Variants in TNNI3K observed in about 807,000 individuals in gnomAD.
TNNI3K encodes serine/threonine-protein kinase TNNI3K.
Under a neutral mutation model 114.5 loss-of-function variants are expected in TNNI3K, and 140 were observed. That is an observed-to-expected ratio of 1.22 (90% CI 1.07 to 1.41). The LOEUF is 1.41. Ranked by LOEUF, TNNI3K falls within the 40% of genes most tolerant of loss-of-function variation. The pLI, the probability that TNNI3K is intolerant of heterozygous loss-of-function variation, is 0.00. For synonymous variants in TNNI3K, 347 were observed against 347.5 expected (o/e 1.00, Z 0.02); for missense variants, 1,125 against 1,007.6 (o/e 1.12, Z -1.58).
At chr1:74,248,447 G>A (rs1452493911) in intron 2 of TNNI3K, among the ~76,000 whole-genome samples, 3 of 152,172 alleles carry the variant, frequency 2.0e-5, no homozygotes, top group Non-Finnish European at 2.9e-5. Flanking sequence ...AGGGCTGCTA[G>A]CACGTTGTCA....
At chr1:74,277,350 A>G (rs473834) in intron 5 of TNNI3K, among the ~76,000 whole-genome samples, 21,053 of 151,906 alleles carry the variant, frequency 0.14, 1,538 homozygotes, top group South Asian at 0.25. Context: ...AAGAGCGATT[A>G]CTCCCCAGAG....
chr1:74,471,664 A>C (rs952815591), intron 21 of TNNI3K: 4 of 400,732 alleles, frequency 1.0e-5, no homozygotes, highest in African/African-American at 8.2e-5. Flanking sequence ...TTTGGGTGAC[A>C]TCATCGACCT....
chr1:74,251,734 C>T (rs1654940444), intron 4 of TNNI3K, among the ~76,000 whole-genome samples: 1 of 152,270 alleles, frequency 6.6e-6, no homozygotes, highest in African/African-American at 2.4e-5. Context: ...ATCTCCCTCC[C>T]CCAACTGCTA....
intron 17 of TNNI3K, among the ~76,000 whole-genome samples, chr1:74,411,126 T>C (rs1664858949): frequency 6.6e-6 from 1 of 152,086 alleles, no homozygotes; most frequent in South Asian, 2.1e-4. Context: ...GCATCACTGG[T>C]TTTATCAGCT....
At chr1:74,287,670 G>A (rs1657415657) in intron 5 of TNNI3K, among the ~76,000 whole-genome samples, 1 of 152,034 alleles carries the variant, frequency 6.6e-6, no homozygotes, top group East Asian at 1.9e-4. Context: ...AAATTGGTTT[G>A]GGCAATGATT....
chr1:74,243,006 G>A (rs1186318474), intron 2 of TNNI3K, among the ~76,000 whole-genome samples: 2 of 151,784 alleles, frequency 1.3e-5, no homozygotes, highest in Non-Finnish European at 2.9e-5. Context: ...CTGTTTTGAA[G>A]AGCAAAACAA....
intron 23 of TNNI3K, among the ~76,000 whole-genome samples, chr1:74,518,512 C>T (rs2100403745): frequency 6.6e-6 from 1 of 152,142 alleles, no homozygotes. Context: ...CTCAATATGC[C>T]TTCTTTTTAG....
chr1:74,322,828 C>T (rs879272561), intron 5 of TNNI3K, among the ~76,000 whole-genome samples: 5 of 152,078 alleles, frequency 3.3e-5, no homozygotes, highest in African/African-American at 1.2e-4. Context: ...TCATTTTATT[C>T]TTATCTCTTA....
chr1:74,541,465 A>G (rs915560690), intron 24 of TNNI3K: 3 of 152,154 alleles, frequency 2.0e-5, no homozygotes, highest in Non-Finnish European at 4.4e-5. Flanking sequence ...TTTGAGGGGG[A>G]AAATGCACTC....
chr1:74,438,013 A>G (rs918356319), intron 19 of TNNI3K, among the ~76,000 whole-genome samples: 1 of 151,758 alleles, frequency 6.6e-6, no homozygotes, highest in African/African-American at 2.4e-5. Flanking sequence ...CTAGCCGCAT[A>G]GTCTTTAAGC....
At chr1:74,317,270 C>T (rs377625167) in intron 5 of TNNI3K, among the ~76,000 whole-genome samples, 1 of 152,172 alleles carries the variant, frequency 6.6e-6, no homozygotes, top group African/African-American at 2.4e-5. Flanking sequence ...ACCTGAGAAT[C>T]TGAGTAGGTG....
intron 21 of TNNI3K, among the ~76,000 whole-genome samples, chr1:74,465,647 A>G (rs274602): frequency 0.69 from 105,404 of 152,122 alleles, 37,939 homozygotes; most frequent in African/African-American, 0.89. Flanking sequence ...GTGCAGGCGC[A>G]TGATGCAGGA....
Position 74,457,234 on chromosome 1 carries a change from G to C in TNNI3K, c.2012-6207G>C, listed in dbSNP as rs78667361. Among the ~76,000 whole-genome samples the C allele has an allele frequency of 2.0e-5, 3 of 152,260 alleles. No homozygotes were observed. The East Asian group carries it at 5.8e-4, about 29-fold the overall frequency. ...CTGGAAAGATTAAATCAGTCCAATA[G>C]ATGGAGATATTTCTATGAATATAGC... On this transcript the variant is annotated intron_variant, in intron 20 of 24. Coordinates refer to ENST00000326637, the MANE Select transcript of TNNI3K (RefSeq NM_015978.3).
intron 20 of TNNI3K, 135 bp from the exon 21 acceptor site, chr1:74,463,306 G>T (rs1230420082): frequency 1.2e-6 from 1 of 852,676 alleles, no homozygotes; most frequent in Admixed American, 2.2e-5. Context: ...GGGGAAAAAA[G>T]CCTAGAGGTC....
At chr1:74,445,204 CTTTTTTTTTTTTCTTTCT>C (rs1666581858) in intron 20 of TNNI3K, among the ~76,000 whole-genome samples, 1 of 117,950 alleles carries the variant, frequency 8.5e-6, no homozygotes, top group African/African-American at 2.8e-5. Flanking sequence ...TAAAGAACTT[CTTTTTTTTTTTTCTTTCT>C]TTTTTTTTTT....
chr1:74,440,854 T>C lies in TNNI3K; in HGVS notation c.2011+1232T>C, dbSNP rs17095333. Among the ~76,000 whole-genome samples the C allele has an allele frequency of 5.7e-3, 874 of 152,228 alleles. 8 individuals are homozygous for C. Among genetic ancestry groups the C allele is most frequent in the African/African-American group, 0.02 (835 of 41,550 alleles). The stretch of plus-strand genomic sequence containing the variant: ...TCTTAGAGTGTGCATCCTGATAAGA[T>C]TGATGGATATACAGAAAATTGATTA... On this transcript the variant is annotated intron_variant, in intron 20 of 24. Transcript: ENST00000326637.
intron 20 of TNNI3K, among the ~76,000 whole-genome samples, chr1:74,445,366 C>A (rs1364549740): frequency 9.9e-6 from 1 of 101,162 alleles, no homozygotes; most frequent in African/African-American, 3.8e-5. Flanking sequence ...GCTATCCCTC[C>A]CCCCTCCCCC....
intron 6 of TNNI3K, among the ~76,000 whole-genome samples, chr1:74,333,549 C>T (rs889773178): frequency 3.3e-5 from 5 of 152,180 alleles, no homozygotes; most frequent in Non-Finnish European, 7.4e-5. Context: ...AATATAGTCA[C>T]AGTCTTATAA....
intron 5 of TNNI3K, among the ~76,000 whole-genome samples, chr1:74,300,841 C>T (rs1223539126): frequency 1.3e-5 from 2 of 152,120 alleles, no homozygotes; most frequent in Non-Finnish European, 2.9e-5. Flanking sequence ...GGATGAGGTG[C>T]TTACTTTATC....
Sources: allele counts gnomAD v4.1 joint callset (sites outside exome capture counted in the v4.1 genomes callset), GRCh38; gene constraint gnomAD v4.1.1; transcripts MANE v1.5; gene names NCBI Gene and HGNC (gene_info 2026-07-23, HGNC 2026-07-21).